Variants in CPA4 observed in about 807,000 individuals in gnomAD.
The protein encoded by CPA4 is carboxypeptidase A4.
Under a neutral mutation model 54.7 loss-of-function variants are expected in CPA4, and 49 were observed. The ratio of observed to expected loss-of-function variants is 0.90; its 90% confidence interval spans 0.71 to 1.14. The LOEUF is 1.14. CPA4 is among the 50% of genes most tolerant of loss of function. The probability of loss-of-function intolerance (pLI) is 0.00; values close to 1 mark genes in which losing one functional copy is unlikely to be tolerated. For synonymous variants in CPA4, 215 were observed against 206.8 expected (o/e 1.04, Z -0.34); for missense variants, 487 against 525.1 (o/e 0.93, Z 0.71).
chr7:130,298,453 G>T (rs952618000), intron 1 of CPA4, among the ~76,000 whole-genome samples: 2 of 152,150 alleles, frequency 1.3e-5, no homozygotes, highest in Admixed American at 1.3e-4. Flanking sequence ...GTATATTTCC[G>T]CTGTCTGTTT....
intron 10 of CPA4, among the ~76,000 whole-genome samples, chr7:130,312,613 T>C (rs1793932359): frequency 6.6e-6 from 1 of 152,094 alleles, no homozygotes; most frequent in African/African-American, 2.4e-5. Flanking sequence ...ATCTGATGGT[T>C]ATTATAAGGA....
chr7:130,322,684 C>T lies in CPA4; in HGVS notation c.*8C>T, dbSNP rs1160269827. The T allele has an allele frequency of 6.2e-7, 1 of 1,610,438 alleles. No homozygotes were observed. Among genetic ancestry groups the T allele is most frequent in the Non-Finnish European group, 8.5e-7 (1 of 1,178,318 alleles). Reference sequence around the variant, plus strand: ...CGGGACAACCTCTACTAGGCGATGGCTCTGCTCTGTCTACATTTATTTGTA... The same window carrying T: ...CGGGACAACCTCTACTAGGCGATGGTTCTGCTCTGTCTACATTTATTTGTA... On this transcript the variant is annotated 3_prime_UTR_variant, in exon 11 of 11. Transcript: ENST00000222482.
intron 4 of CPA4, among the ~76,000 whole-genome samples, chr7:130,302,743 G>A (rs1452410661): frequency 6.6e-6 from 1 of 152,130 alleles, no homozygotes; most frequent in Non-Finnish European, 1.5e-5. Context: ...CCACTCCCTA[G>A]GGTCAGTGGG....
At chr7:130,313,562 C>G (rs1025714023) in intron 10 of CPA4, among the ~76,000 whole-genome samples, 1 of 146,222 alleles carries the variant, frequency 6.8e-6, no homozygotes, top group Non-Finnish European at 1.5e-5. Context: ...TTTAAAGAAC[C>G]CTGTAGTTCT....
At chr7:130,314,386 C>T (rs1793957811) in intron 10 of CPA4, among the ~76,000 whole-genome samples, 1 of 152,212 alleles carries the variant, frequency 6.6e-6, no homozygotes, top group Admixed American at 6.5e-5. Flanking sequence ...CTGATTGGCC[C>T]TGGAAGCAGG....
intron 10 of CPA4, among the ~76,000 whole-genome samples, chr7:130,316,800 G>A (rs1324862168): frequency 1.3e-5 from 2 of 151,758 alleles, no homozygotes; most frequent in African/African-American, 2.4e-5. Context: ...GGGCATTGTG[G>A]TGTGCGCCTG....
At chr7:130,314,881 A>T (rs1432127581) in intron 10 of CPA4, among the ~76,000 whole-genome samples, 1 of 151,962 alleles carries the variant, frequency 6.6e-6, no homozygotes, top group African/African-American at 2.4e-5. Flanking sequence ...GCTTATGTGG[A>T]TTTCTCTTCC....
At chr7:130,296,684 T>TTTTTC (rs1793654038) in intron 1 of CPA4, among the ~76,000 whole-genome samples, 1 of 133,642 alleles carries the variant, frequency 7.5e-6, no homozygotes, top group Non-Finnish European at 1.6e-5. Context: ...CCTCACTTTT[T>TTTTTC]TTTTTTTTTT....
chr7:130,305,737 T>A (rs1288745605), intron 5 of CPA4, 79 bp from the exon 6 acceptor site: 1 of 990,538 alleles, frequency 1.0e-6, no homozygotes, highest in Non-Finnish European at 1.6e-6. Context: ...ATTAAATGAA[T>A]GGGAGAGAGC....
intron 6 of CPA4, 144 bp downstream of exon 6, chr7:130,306,064 C>G (rs1793816100): frequency 2.8e-5 from 18 of 650,282 alleles, no homozygotes; most frequent in South Asian, 9.1e-5. Context: ...ATTGGAGAAG[C>G]AAATGGTCAA....
rs1249548992 is a variant in CPA4 at position 130,308,850 on chromosome 7, C to CTTTTTTTTTTTTTTTTTT, written c.793+468_793+469insTTTTTTTTTTTTTTTTTT. Among the ~76,000 whole-genome samples the CTTTTTTTTTTTTTTTTTT allele has an allele frequency of 2.4e-4, 29 of 120,276 alleles. 2 individuals carry two copies. Among genetic ancestry groups the CTTTTTTTTTTTTTTTTTT allele is most frequent in the African/African-American group, 9.3e-4 (26 of 28,088 alleles). The allele number at this position is 120,276 out of a possible 152,430, so 78.9% of individuals were successfully genotyped here. A position where few individuals can be genotyped will look rare whatever the true frequency, so the allele number is the denominator to read the frequency against. ...ATAGCCGTAAGCCACCTAGCCCAGCCTTTTTTTTTTTTTTTGAGACAGAGT... is the reference window on the plus strand; with the variant it reads ...ATAGCCGTAAGCCACCTAGCCCAGCCTTTTTTTTTTTTTTTTTTTTTTTTTTTTTTTTTGAGACAGAGT... On this transcript the variant is annotated intron_variant, in intron 8 of 10. Coordinates refer to ENST00000222482, the MANE Select transcript of CPA4 (RefSeq NM_016352.4).
At chr7:130,294,594 A>T (rs888445096) in intron 1 of CPA4, among the ~76,000 whole-genome samples, 5 of 152,088 alleles carry the variant, frequency 3.3e-5, no homozygotes, top group African/African-American at 7.2e-5. Flanking sequence ...CAAGATACAG[A>T]CCTCTCTTGC....
In CPA4 at chr7:130,302,511, G is replaced by A. The variant is rs183207303; in HGVS notation, c.384+1597G>A. ...CTCAAAAAAAAAAAAAAAAAAGAGCGCTCATATTGGCTCACGCAACCACTT... is the reference window on the plus strand; with the variant it reads ...CTCAAAAAAAAAAAAAAAAAAGAGCACTCATATTGGCTCACGCAACCACTT... On this transcript the variant is annotated intron_variant, in intron 4 of 10. Transcript: ENST00000222482. 7.3e-5 allele frequency among the ~76,000 whole-genome samples: 11 copies of A among 150,426 alleles called. No individual in the cohort carries two copies. In the East Asian group the frequency reaches 1.6e-3, roughly 21 times the overall value.
intron 10 of CPA4, among the ~76,000 whole-genome samples, chr7:130,322,049 T>A (rs1303347991): frequency 6.6e-6 from 1 of 152,222 alleles, no homozygotes; most frequent in Admixed American, 6.5e-5. Context: ...TTTTATGACC[T>A]GGCCTTGAAA....
At chr7:130,296,155 T>C (rs145805752) in intron 1 of CPA4, among the ~76,000 whole-genome samples, 1 of 152,124 alleles carries the variant, frequency 6.6e-6, no homozygotes, top group African/African-American at 2.4e-5. Context: ...AAGGATGGAT[T>C]GCAGGCAGTG....
chr7:130,300,078 T>C (rs897550622), intron 3 of CPA4, among the ~76,000 whole-genome samples: 16 of 152,204 alleles, frequency 1.1e-4, no homozygotes, highest in Admixed American at 8.5e-4. Context: ...CCTGATGGCG[T>C]TAGCAGCTAT....
At chr7:130,299,619 G>A in intron 3 of CPA4, 1 of 528,752 alleles carries the variant, frequency 1.9e-6, no homozygotes, top group Non-Finnish European at 3.4e-6. Context: ...CACAGATTTG[G>A]ATCCAAATCC....
chr7:130,314,532 T>A (rs1460159767), intron 10 of CPA4, among the ~76,000 whole-genome samples: 2 of 152,238 alleles, frequency 1.3e-5, no homozygotes, highest in African/African-American at 4.8e-5. Context: ...AAGACAGCGA[T>A]AAGCACATTC....
chr7:130,297,342 C>T lies in CPA4; in HGVS notation c.69-1404C>T, dbSNP rs76598933. On this transcript the variant is annotated intron_variant, in intron 1 of 10. Transcript: ENST00000222482. ...GGTTTGATGCCTCATCTTCCCAGGG[C>T]GGTAGGTCCAACTCTTGGCAAGCCT... 4.1e-3 allele frequency among the ~76,000 whole-genome samples: 624 copies of T among 152,232 alleles called. 4 individuals carry two copies. The highest frequency in any genetic ancestry group is 0.014 in the African/African-American group (572 of 41,532).
Sources: allele counts gnomAD v4.1 joint callset (sites outside exome capture counted in the v4.1 genomes callset), GRCh38; gene constraint gnomAD v4.1.1; transcripts MANE v1.5; gene names NCBI Gene and HGNC (gene_info 2026-07-23, HGNC 2026-07-21).